Variants in TIAM1 observed in about 807,000 individuals in gnomAD.
TIAM1 encodes rho guanine nucleotide exchange factor TIAM1.
TIAM1 carries 65 observed loss-of-function variants against 163.5 expected under a neutral mutation model. The ratio of observed to expected loss-of-function variants is 0.40; its 90% CI spans 0.33 to 0.49. TIAM1 has a LOEUF of 0.49. Ranked by LOEUF, TIAM1 falls within the 20% of genes least tolerant of loss-of-function variation. The pLI is 0.77. For missense variants in TIAM1, 1,789 were observed against 2,044.7 expected (o/e 0.87, Z 2.41); for synonymous variants, 833 against 810.1 (o/e 1.03, Z -0.48).
intron 2 of TIAM1, among the ~76,000 whole-genome samples, chr21:31,367,296 C>CG (rs1270192422): frequency 6.6e-6 from 1 of 152,140 alleles, no homozygotes; most frequent in Non-Finnish European, 1.5e-5. Flanking sequence ...GCTGGAAGAA[C>CG]GCCACTATTG....
intron 1 of TIAM1, among the ~76,000 whole-genome samples, chr21:31,487,922 G>A (rs1369564181): frequency 6.6e-6 from 1 of 152,060 alleles, no homozygotes; most frequent in African/African-American, 2.4e-5. Flanking sequence ...AAGCATCTGG[G>A]CTCAAGTGAT....
At position 31,251,838 on chromosome 21, in the gene TIAM1, C is replaced by T; in HGVS notation, c.1315G>A (p.Ala439Thr). The change falls in exon 5 of 28, where the codon GCC becomes ACC. Residue 439 changes from alanine (A) to threonine (T), a missense_variant. Coordinates refer to ENST00000541036, the MANE Select transcript of TIAM1 (RefSeq NM_001353694.2). ...AAQGTVRKAG[A>T]LAVKNFLVHK... ...ACCAGGAAGTTCTTGACGGCCAGGGCGCCGGCCTTGCGCACCGTGCCCTGT... is the reference window on the plus strand; with the variant it reads ...ACCAGGAAGTTCTTGACGGCCAGGGTGCCGGCCTTGCGCACCGTGCCCTGT... The T allele has an allele frequency of 1.2e-6, 2 of 1,613,762 alleles. No individual in the cohort carries two copies. Among genetic ancestry groups the T allele is most frequent in the South Asian group, 1.1e-5 (1 of 91,050 alleles).
intron 2 of TIAM1, among the ~76,000 whole-genome samples, chr21:31,364,234 G>GT (rs1394961976): frequency 6.6e-6 from 1 of 152,194 alleles, no homozygotes; most frequent in African/African-American, 2.4e-5. Context: ...GCACTGCACT[G>GT]TTTCAGATTT....
intron 2 of TIAM1, among the ~76,000 whole-genome samples, chr21:31,446,670 C>G (rs1215509375): frequency 6.6e-6 from 1 of 152,072 alleles, no homozygotes; most frequent in Non-Finnish European, 1.5e-5. Context: ...CAGTCACTCA[C>G]CACAAACAGG....
At chr21:31,446,961 A>G (rs887993576) in intron 2 of TIAM1, among the ~76,000 whole-genome samples, 2 of 152,220 alleles carry the variant, frequency 1.3e-5, no homozygotes, top group Admixed American at 1.3e-4. Context: ...TTGCAAAACC[A>G]TTGGTTTTGT....
At chr21:31,462,436 G>T (rs1336239081) in intron 2 of TIAM1, among the ~76,000 whole-genome samples, 1 of 152,166 alleles carries the variant, frequency 6.6e-6, no homozygotes, top group East Asian at 1.9e-4. Flanking sequence ...TATCCACCAG[G>T]CATAGCCGAT....
At chr21:31,189,376 C>CT (rs1362093860) in intron 13 of TIAM1, among the ~76,000 whole-genome samples, 2 of 151,980 alleles carry the variant, frequency 1.3e-5, no homozygotes, top group Non-Finnish European at 2.9e-5. Context: ...TCTTGGTCCT[C>CT]TTTTTGTATA....
intron 1 of TIAM1, among the ~76,000 whole-genome samples, chr21:31,489,059 C>A: frequency 6.6e-6 from 1 of 151,458 alleles, no homozygotes; most frequent in Non-Finnish European, 1.5e-5. Context: ...TCAGCACCAG[C>A]CAACTAAACG....
At chr21:31,465,866 T>C (rs867930300) in intron 1 of TIAM1, among the ~76,000 whole-genome samples, 10 of 151,662 alleles carry the variant, frequency 6.6e-5, no homozygotes, top group African/African-American at 2.4e-4. Flanking sequence ...CCACCGCACC[T>C]GGCTAATTTT....
chr21:31,204,128 C>T (rs186252602), intron 11 of TIAM1, among the ~76,000 whole-genome samples: 39 of 152,202 alleles, frequency 2.6e-4, no homozygotes, highest in African/African-American at 9.2e-4. Flanking sequence ...AAAGAAAATG[C>T]TCTCCAAAAG....
intron 3 of TIAM1, among the ~76,000 whole-genome samples, chr21:31,272,126 A>G (rs770421372): frequency 3.9e-5 from 6 of 152,234 alleles, no homozygotes; most frequent in African/African-American, 7.2e-5. Flanking sequence ...CACTTACATT[A>G]GCCTACAGCT....
At chr21:31,511,853 T>C (rs961438274) in intron 1 of TIAM1, among the ~76,000 whole-genome samples, 1 of 152,166 alleles carries the variant, frequency 6.6e-6, no homozygotes, top group African/African-American at 2.4e-5. Context: ...GGAAAAATAT[T>C]ATAACAACAA....
intron 1 of TIAM1, among the ~76,000 whole-genome samples, chr21:31,479,759 A>G (rs1012002349): frequency 5.3e-5 from 8 of 152,262 alleles, no homozygotes; most frequent in Admixed American, 5.2e-4. Context: ...AGTGCCTACA[A>G]AGTCCTCCAA....
chr21:31,138,051 G>T (rs1294915581), intron 22 of TIAM1, among the ~76,000 whole-genome samples: 2 of 151,776 alleles, frequency 1.3e-5, no homozygotes, highest in Non-Finnish European at 2.9e-5. Context: ...CTCTCTCTGG[G>T]GCTTCCACTG....
At chr21:31,557,888 C>T (rs916933634) in intron 1 of TIAM1, among the ~76,000 whole-genome samples, 5 of 152,112 alleles carry the variant, frequency 3.3e-5, no homozygotes, top group Admixed American at 6.5e-5. Flanking sequence ...CCAGCCTGGA[C>T]CCCAGGCTGG....
At chr21:31,468,068 G>A (rs1360528443) in intron 1 of TIAM1, among the ~76,000 whole-genome samples, 3 of 141,730 alleles carry the variant, frequency 2.1e-5, no homozygotes, top group East Asian at 2.0e-4. Context: ...CACCCTGGGC[G>A]ACAAGAGCGA....
chr21:31,136,130 T>G, intron 22 of TIAM1, 89 bp from the exon 23 acceptor site: 1 of 1,149,572 alleles, frequency 8.7e-7, no homozygotes, highest in South Asian at 1.4e-5. Flanking sequence ...ATGCTGATAT[T>G]AATTTTACTT....
At chr21:31,149,560 G>T (rs1163242113) in intron 19 of TIAM1, among the ~76,000 whole-genome samples, 6 of 152,052 alleles carry the variant, frequency 3.9e-5, no homozygotes, top group Non-Finnish European at 7.3e-5. Context: ...TCCTTTTTGT[G>T]AATCTTTTTA....
At position 31,449,330 on chromosome 21, in the gene TIAM1, C is replaced by G. The variant is rs543644279; in HGVS notation, c.-369+14653G>C. ...GAATTAGCCCAATACCAGACACATA[C>G]TAGGTGCTCAAAAAAACAGTCATAG... On this transcript the variant is annotated intron_variant, in intron 2 of 28. Transcript: ENST00000286827. Among the ~76,000 whole-genome samples the G allele has an allele frequency of 1.8e-4, 28 of 152,068 alleles. 1 individual carries two copies. The highest frequency in any genetic ancestry group is 3.4e-3 in the Middle Eastern group (1 of 294).
Sources: gnomAD v4.1 joint callset for allele counts (sites outside exome capture counted in the v4.1 genomes callset) on GRCh38, gnomAD v4.1.1 for gene constraint, MANE v1.5 for transcripts, NCBI Gene and HGNC (gene_info 2026-07-23, HGNC 2026-07-21) for gene names.